SEC22A: variants seen among roughly 807,000 people sequenced by gnomAD.
The protein encoded by SEC22A is vesicle-trafficking protein SEC22a.
SEC22A carries 22 observed loss-of-function variants against 35.3 expected under a neutral mutation model. That is an observed-to-expected ratio of 0.62 (90% CI 0.45 to 0.89). The LOEUF is 0.89. Ranked by LOEUF, SEC22A falls within the 40% of genes least tolerant of loss-of-function variation. SEC22A has a pLI of 0.00. For missense variants in SEC22A, 354 were observed against 362.5 expected (o/e 0.98, Z 0.19); for synonymous variants, 119 against 129.5 (o/e 0.92, Z 0.55).
chr3:123,244,260 A>G (rs1030288371), intron 4 of SEC22A, among the ~76,000 whole-genome samples: 4 of 152,214 alleles, frequency 2.6e-5, no homozygotes, highest in African/African-American at 9.7e-5. Flanking sequence ...CTCAAGGAAC[A>G]AGCCACAGAA....
intron 5 of SEC22A, 112 bp from the exon 6 acceptor site, chr3:123,259,412 T>C (rs1937826403): frequency 2.8e-6 from 2 of 716,692 alleles, no homozygotes; most frequent in East Asian, 2.7e-5. Context: ...TATATACCAG[T>C]GTGTGACAAT....
At chr3:123,237,343 C>T (rs1200367936) in intron 4 of SEC22A, among the ~76,000 whole-genome samples, 2 of 150,070 alleles carry the variant, frequency 1.3e-5, no homozygotes, top group East Asian at 3.9e-4. Flanking sequence ...GTACCTACAA[C>T]AGGTCAGAGA....
intron 2 of SEC22A, among the ~76,000 whole-genome samples, chr3:123,216,724 T>G (rs1937033679): frequency 6.6e-6 from 1 of 152,224 alleles, no homozygotes; most frequent in Admixed American, 6.5e-5. Flanking sequence ...GTTCCACTAG[T>G]GGCAGAGTCT....
chr3:123,250,106 T>A lies in SEC22A; in HGVS notation c.657+4092T>A, dbSNP rs533607478. On this transcript the variant is annotated intron_variant, in intron 5 of 6. Coordinates refer to ENST00000492595, the MANE Select transcript of SEC22A (RefSeq NM_012430.5). ...AAAATCCATCATTAAAACACAGACT[T>A]TCTCCATAATAAGAAGTTGGAGGGG... Among the ~76,000 whole-genome samples, 6 of 152,236 alleles carry A rather than the reference T, an allele frequency of 3.9e-5. No homozygotes were observed. In the South Asian group the frequency reaches 1.2e-3, roughly 32 times the overall value.
chr3:123,242,043 C>G (rs985650363), intron 4 of SEC22A, among the ~76,000 whole-genome samples: 1 of 151,460 alleles, frequency 6.6e-6, no homozygotes, highest in African/African-American at 2.4e-5. Flanking sequence ...TTTGGCCTAT[C>G]TATAGGCACT....
chr3:123,220,096 T>C (rs1017014026), intron 2 of SEC22A, among the ~76,000 whole-genome samples: 2 of 152,228 alleles, frequency 1.3e-5, no homozygotes, highest in African/African-American at 4.8e-5. Flanking sequence ...TTTCCTTTAT[T>C]TCACATACAA....
At chr3:123,204,193 G>T (rs1298847540) in intron 1 of SEC22A, among the ~76,000 whole-genome samples, 1 of 152,130 alleles carries the variant, frequency 6.6e-6, no homozygotes, top group East Asian at 1.9e-4. Flanking sequence ...AATGAAACAA[G>T]TTCATTTAAT....
Position 123,271,606 on chromosome 3 carries a change from C to T in SEC22A, c.808C>T (p.Leu270Phe). Residue 270 changes from leucine (L) to phenylalanine (F), a missense_variant, in exon 7 of 7, where the codon CTC becomes TTC. By Grantham distance (22) the Leu-to-Phe change is conservative. Coordinates refer to ENST00000492595, the MANE Select transcript of SEC22A (RefSeq NM_012430.5). ...CTTAATCTGTCTATGCAACATGTAT[C>T]TCTATGAACTGCGCAACCTCTGGCA... The part of the protein sequence containing the change: ...FGLICLCNMY[L>F]YELRNLWQLF... 1 of 1,614,148 alleles carries T rather than the reference C, an allele frequency of 6.2e-7. No homozygotes were observed. Among genetic ancestry groups the T allele is most frequent in the South Asian group, 1.1e-5 (1 of 91,084 alleles).
chr3:123,216,564 T>A (rs1025387333), intron 2 of SEC22A, among the ~76,000 whole-genome samples: 9 of 152,310 alleles, frequency 5.9e-5, no homozygotes, highest in Middle Eastern at 3.4e-3. Flanking sequence ...CATAGGATGA[T>A]TTATTCATGA....
chr3:123,231,782 T>C (rs2108058892), intron 4 of SEC22A, among the ~76,000 whole-genome samples: 1 of 151,790 alleles, frequency 6.6e-6, no homozygotes, highest in East Asian at 1.9e-4. Flanking sequence ...AAAAGCAAAT[T>C]AAACCTAAAG....
intron 6 of SEC22A, among the ~76,000 whole-genome samples, chr3:123,266,535 A>G (rs1938030164): frequency 6.6e-6 from 1 of 151,932 alleles, no homozygotes; most frequent in Admixed American, 6.6e-5. Context: ...TTCCTCTTTG[A>G]CCTATGGATT....
rs568889095 is a variant in SEC22A at position 123,215,609 on chromosome 3, T to G, written c.182+6210T>G. ...GCTGGGTAGTGCTATCACTACCCTA[T>G]TTTACAGATAAGGTAAATGAGACTT... On this transcript the variant is annotated intron_variant, in intron 2 of 6. Coordinates refer to ENST00000492595, the MANE Select transcript of SEC22A (RefSeq NM_012430.5). 3.2e-4 allele frequency among the ~76,000 whole-genome samples: 48 copies of G among 152,166 alleles called. 1 individual carries two copies. The highest frequency in any genetic ancestry group is 4.1e-4 in the South Asian group (2 of 4,824).
rs190263269 is a variant in SEC22A at position 123,233,625 on chromosome 3, C to G, written c.541+8328C>G. The stretch of plus-strand genomic sequence containing the variant: ...AGAAAAAGCATTTGACAAAATTCAA[C>G]AGCCTTTCATGGCAAAAAAACAAAC... On this transcript the variant is annotated intron_variant, in intron 4 of 6. Coordinates refer to ENST00000492595, the MANE Select transcript of SEC22A (RefSeq NM_012430.5). Among the ~76,000 whole-genome samples, 15 of 151,048 alleles carry G rather than the reference C, an allele frequency of 9.9e-5. No homozygotes were observed. In the East Asian group the frequency reaches 2.9e-3, roughly 29 times the overall value.
chr3:123,227,194 A>C (rs1326222417), intron 4 of SEC22A, among the ~76,000 whole-genome samples: 2 of 151,858 alleles, frequency 1.3e-5, no homozygotes, highest in Non-Finnish European at 2.9e-5. Flanking sequence ...CTATTTGTTT[A>C]AGAAAATTAT....
rs550562079 is a variant in SEC22A, at chr3:123,253,712, C to CAAA, written c.658-5797_658-5795dup. On this transcript the variant is annotated intron_variant, in intron 5 of 6. Transcript: ENST00000492595. ...TGGGCGACAGAGCAAGACTCCATCTCAAAAAAAAAAAAAAAAAGAAAGAAA... is the reference window on the plus strand; with the variant it reads ...TGGGCGACAGAGCAAGACTCCATCTCAAAAAAAAAAAAAAAAAAAAGAAAGAAA... Among the ~76,000 whole-genome samples, 46 of 103,226 alleles carry CAAA rather than the reference C, an allele frequency of 4.5e-4. 1 individual carries two copies. Among genetic ancestry groups the CAAA allele is most frequent in the Admixed American group, 4.8e-4 (5 of 10,336 alleles). The allele number at this position is 103,226 out of a possible 152,430, so 67.7% of individuals were successfully genotyped here.
intron 6 of SEC22A, among the ~76,000 whole-genome samples, 170 bp downstream of exon 6, chr3:123,259,759 T>C (rs1478127926): frequency 1.3e-5 from 2 of 152,210 alleles, no homozygotes; most frequent in Non-Finnish European, 2.9e-5. Flanking sequence ...TGAGTAGACA[T>C]ACATCCCAGT....
rs972995916 is a variant in SEC22A, at chr3:123,223,047, A to G, written c.183-512A>G. Among the ~76,000 whole-genome samples the G allele has an allele frequency of 6.6e-5, 10 of 152,154 alleles. 1 individual carries two copies. The highest frequency in any genetic ancestry group is 4.6e-4 in the Admixed American group (7 of 15,274). Reference sequence around the variant, plus strand: ...CATAAATTCCCCCCTCCCATGGTTCATAATTAATTACTGTGTAAAGTAGAG... The same window carrying G: ...CATAAATTCCCCCCTCCCATGGTTCGTAATTAATTACTGTGTAAAGTAGAG... On this transcript the variant is annotated intron_variant, in intron 2 of 6. Coordinates refer to ENST00000492595, the MANE Select transcript of SEC22A (RefSeq NM_012430.5).
intron 2 of SEC22A, among the ~76,000 whole-genome samples, chr3:123,215,419 T>C (rs776965181): frequency 1.3e-5 from 2 of 152,196 alleles, no homozygotes; most frequent in African/African-American, 2.4e-5. Context: ...TAATTGACCA[T>C]TTCTAGACTG....
At chr3:123,207,827 A>G (rs996621748) in intron 1 of SEC22A, among the ~76,000 whole-genome samples, 5 of 152,236 alleles carry the variant, frequency 3.3e-5, no homozygotes, top group African/African-American at 1.2e-4. Context: ...AAGCAAGAAG[A>G]GAATCCAATA....
Sources: allele counts gnomAD v4.1 joint callset (sites outside exome capture counted in the v4.1 genomes callset), GRCh38; gene constraint gnomAD v4.1.1; transcripts MANE v1.5; gene names NCBI Gene and HGNC (gene_info 2026-07-23, HGNC 2026-07-21).